The following RPGR variants were observed in gnomAD, a reference collection of about 807,000 sequenced individuals.
RPGR encodes the protein X-linked retinitis pigmentosa GTPase regulator.
RPGR carries 10 observed loss-of-function variants against 56.3 expected under a neutral mutation model. The observed-to-expected ratio is 0.18, with a 90% CI of 0.11 to 0.30. The LOEUF is 0.30. Among genes scored for constraint, RPGR ranks in the 10% least tolerant of loss-of-function variants. The pLI is 1.00. For missense variants in RPGR, 538 were observed against 590.9 expected (o/e 0.91, Z 0.93); for synonymous variants, 197 against 212.9 (o/e 0.93, Z 0.65).
At chrX:38,274,391 G>C (rs745482452) in intron 17 of RPGR, among the ~76,000 whole-genome samples, 1 of 112,373 alleles carries the variant, frequency 8.9e-6, no homozygotes, top group South Asian at 3.7e-4. Flanking sequence ...CAGCCCAGTA[G>C]TCCCAACTTG....
chrX:38,282,567 A>T (rs1417990217), intron 15 of RPGR, among the ~76,000 whole-genome samples: 2 of 111,394 alleles, frequency 1.8e-5, no homozygotes, highest in African/African-American at 6.5e-5. Context: ...ACAGTAAAAA[A>T]CTGTCTCCCA....
At chrX:38,280,279 T>C (rs891405255) in intron 15 of RPGR, among the ~76,000 whole-genome samples, 3 of 111,962 alleles carry the variant, frequency 2.7e-5, no homozygotes, top group African/African-American at 9.7e-5. Flanking sequence ...TTGAGGACTG[T>C]CGAAAAACAG....
At chrX:38,315,271 G>A (rs970632455) in intron 6 of RPGR, among the ~76,000 whole-genome samples, 1 of 111,607 alleles carries the variant, frequency 9.0e-6, no homozygotes, top group African/African-American at 3.3e-5. Context: ...GGCAGAGGTT[G>A]CAGTGAGCCG....
At chrX:38,285,305 T>C (rs1255878662) in intron 15 of RPGR, 9 of 1,052,792 alleles carry the variant, frequency 8.5e-6, no homozygotes, top group Non-Finnish European at 9.7e-6. Context: ...TTTCTAGTTA[T>C]GTTTTTATAA....
At chrX:38,282,323 A>G (rs2067046112) in intron 15 of RPGR, among the ~76,000 whole-genome samples, 1 of 109,952 alleles carries the variant, frequency 9.1e-6, no homozygotes, top group Non-Finnish European at 1.9e-5. Flanking sequence ...TCTCTTTCCT[A>G]GTAAGTATGC....
At chrX:38,275,043 GTGTATGTA>G (rs752273758) in intron 17 of RPGR, 2 of 965,576 alleles carry the variant, frequency 2.1e-6, no homozygotes, top group Non-Finnish European at 3.0e-6. Flanking sequence ...ATATATATGT[GTGTATGTA>G]TGTATGTATA....
chrX:38,272,311 C>T (rs1169654235), intron 18 of RPGR: 4 of 107,712 alleles, frequency 3.7e-5, no homozygotes, highest in Non-Finnish European at 7.7e-5. Flanking sequence ...AATTCCATAC[C>T]TGCTGGGCAT....
chrX:38,269,899 G>C, intron 18 of RPGR: 1 of 793,799 alleles, frequency 1.3e-6, no homozygotes, highest in Non-Finnish European at 1.9e-6. Flanking sequence ...ACAGTATTTA[G>C]GGGATATCAT....
intron 6 of RPGR, among the ~76,000 whole-genome samples, chrX:38,312,213 T>C (rs114553262): frequency 0.032 from 3,585 of 111,685 alleles, 96 homozygotes; most frequent in African/African-American, 0.091. Context: ...CTATGAAGTA[T>C]TTAGCAAACA....
intron 8 of RPGR, among the ~76,000 whole-genome samples, chrX:38,302,842 G>A (rs1192203624): frequency 2.2e-5 from 2 of 89,713 alleles, no homozygotes; most frequent in Admixed American, 1.4e-4. Context: ...ATGGGGTCTC[G>A]CTCTGTCACC....
At chrX:38,286,531 T>G (rs2147197592) in intron 15 of RPGR, 1 of 993,653 alleles carries the variant, frequency 1.0e-6, no homozygotes, top group South Asian at 2.2e-5. Context: ...CCTCTCTCCT[T>G]TCCCCTCCTC....
chrX:38,281,300 A>G (rs2067026740), intron 15 of RPGR, among the ~76,000 whole-genome samples: 1 of 112,449 alleles, frequency 8.9e-6, no homozygotes, highest in Non-Finnish European at 1.9e-5. Flanking sequence ...ACAGAGGGAA[A>G]TGTTCAGTGA....
chrX:38,317,241 C>A, intron 6 of RPGR, 75 bp downstream of exon 6: 1 of 1,002,166 alleles, frequency 1.0e-6, no homozygotes, highest in Non-Finnish European at 1.4e-6. Context: ...GAACCAGAGA[C>A]TATATCATTT....
chrX:38,316,975 C>T (rs1326261465), intron 6 of RPGR, among the ~76,000 whole-genome samples: 2 of 110,716 alleles, frequency 1.8e-5, no homozygotes, highest in African/African-American at 6.6e-5. Context: ...ACAGCTAGAG[C>T]CCAACATTTC....
rs1054145753 is a variant in RPGR, at chrX:38,327,341, G to C, written c.27C>G (p.Pro9=). The C allele has an allele frequency of 7.6e-6, 9 of 1,188,783 alleles. No individual in the cohort carries two copies. Among genetic ancestry groups the C allele is most frequent in the South Asian group, 1.8e-5 (1 of 54,223 alleles). Residue 9 remains proline, a splice_region_variant and synonymous_variant, in exon 1 of 19, where the codon CCC becomes CCG. Coordinates refer to ENST00000642395, the MANE Select transcript of RPGR (RefSeq NM_000328.3). ...GCCACCGGCGCGGGCGCAACTCACC[G>C]GGCATCAGCTCTTCCGGCTCCCTCA...
At chrX:38,285,422 T>C in intron 15 of RPGR, 2 of 1,136,961 alleles carry the variant, frequency 1.8e-6, no homozygotes, top group Non-Finnish European at 2.3e-6. Context: ...TGCTTTTTTT[T>C]TTACTACACA....
At chrX:38,318,712 CA>C in intron 5 of RPGR, 116 bp downstream of exon 5, 1 of 761,964 alleles carries the variant, frequency 1.3e-6, no homozygotes, top group South Asian at 2.3e-5. Context: ...TCTGAAAGCA[CA>C]TAGATAGTCG....
chrX:38,310,556 A>G, intron 7 of RPGR, 59 bp downstream of exon 7: 6 of 1,155,013 alleles, frequency 5.2e-6, no homozygotes, highest in Non-Finnish European at 7.1e-6. Flanking sequence ...ATGAACATTA[A>G]AAAAATTTCA....
intron 10 of RPGR, among the ~76,000 whole-genome samples, chrX:38,297,720 G>T (rs1377170753): frequency 2.7e-5 from 3 of 110,977 alleles, no homozygotes; most frequent in African/African-American, 9.8e-5. Context: ...CACTCCCTAA[G>T]AAACAAAAAA....
Sources: gnomAD v4.1 joint callset for allele counts (sites outside exome capture counted in the v4.1 genomes callset) on GRCh38, gnomAD v4.1.1 for gene constraint, MANE v1.5 for transcripts, NCBI Gene and HGNC (gene_info 2026-07-23, HGNC 2026-07-21) for gene names.